Variants in TUT7 observed in about 807,000 individuals in gnomAD.
TUT7 encodes the protein terminal uridylyltransferase 7.
A neutral mutation model predicts 165.9 loss-of-function variants in TUT7; 33 were observed. The ratio of observed to expected loss-of-function variants is 0.20; its 90% CI spans 0.15 to 0.27. The LOEUF is 0.27. Ranked by LOEUF, TUT7 falls within the 10% of genes least tolerant of loss-of-function variation. TUT7 has a pLI of 1.00. For synonymous variants in TUT7, 552 were observed against 608.1 expected (o/e 0.91, Z 1.36); for missense variants, 1,338 against 1,762.3 (o/e 0.76, Z 4.31).
At position 86,343,100 on chromosome 9, in the gene TUT7, T is replaced by C; in HGVS notation, c.1061A>G (p.Asn354Ser). ...SRLGFKNSDV[N>S]IDIQFPAIMS... The stretch of plus-strand genomic sequence containing the variant: ...AATGGCTGGAAACTGGATGTCAATG[T>C]TTACATCCGAATTTTTGAAACCCAA... The change falls in exon 6 of 27, where the codon AAC (asparagine) becomes AGC (serine). Residue 354 changes from asparagine to serine, a missense_variant. Transcript: ENST00000375963. 1 of 1,604,676 alleles carries C rather than the reference T, an allele frequency of 6.2e-7. No individual in the cohort carries two copies.
chr9:86,323,733 T>G lies in TUT7; in HGVS notation c.2017A>C (p.Asn673His), dbSNP rs118052854. Residue 673 changes from asparagine (N) to histidine (H), a missense_variant, in exon 13 of 27, where the codon AAC becomes CAC. By Grantham distance (68) the Asn-to-His change is moderately conservative. Transcript: ENST00000375963. ...CCAGGACCTTGGGCCAAAACTGAGT[T>G]TTTGAGCTTATCATCTTTTGTTTGT... ...DVQTKDDKLK[N>H]SVLAQGPGAT... The G allele has an allele frequency of 1.2e-6, 2 of 1,613,608 alleles. No homozygotes were observed. Among genetic ancestry groups the G allele is most frequent in the Non-Finnish European group, 1.7e-6 (2 of 1,179,642 alleles).
intron 24 of TUT7, among the ~76,000 whole-genome samples, chr9:86,303,970 C>T (rs1827208667): frequency 2.6e-5 from 4 of 152,186 alleles, no homozygotes; most frequent in Admixed American, 2.6e-4. Context: ...AAAGTCTTCA[C>T]TGGGAGTACA....
intron 25 of TUT7, among the ~76,000 whole-genome samples, chr9:86,302,394 AGTTACT>A (rs2131308747): frequency 1.3e-5 from 2 of 152,344 alleles, no homozygotes; most frequent in African/African-American, 4.8e-5. Flanking sequence ...CGTGCTGAAC[AGTTACT>A]GTGCATTAGA....
intron 16 of TUT7, among the ~76,000 whole-genome samples, chr9:86,317,957 T>G (rs557224830): frequency 3.3e-5 from 5 of 152,336 alleles, no homozygotes; most frequent in Admixed American, 2.6e-4. Flanking sequence ...ACCTTGAGGA[T>G]GTATGATAGG....
In TUT7 at chr9:86,288,050, T is replaced by C. The variant is rs764805531; in HGVS notation, c.*627A>G. On this transcript the variant is annotated 3_prime_UTR_variant, in exon 27 of 27. Transcript: ENST00000375963. Reference sequence around the variant, plus strand: ...CCTTACTTCATTTTTATAAGCATAGTAGTTATATGTCAATTTACTTAAAAT... The same window carrying C: ...CCTTACTTCATTTTTATAAGCATAGCAGTTATATGTCAATTTACTTAAAAT... The C allele has an allele frequency of 6.6e-6, 1 of 152,224 alleles. No homozygotes were observed. Among genetic ancestry groups the C allele is most frequent in the Non-Finnish European group, 1.5e-5 (1 of 68,044 alleles). 9.4% of individuals were successfully genotyped at this position (152,224 alleles called of 1,614,324 possible).
At position 86,310,794 on chromosome 9, in the gene TUT7, A is replaced by G; in HGVS notation, c.3290T>C (p.Leu1097Ser). The stretch of plus-strand genomic sequence containing the variant: ...TGGCACCTTTGCTGTTGTAATAGGT[A>G]AGATGTTTCTCAGACCTAAGTTGGG... ...LRKHSGLRNI[L>S]PITTAKVPIV... Residue 1097 changes from leucine to serine, a missense_variant, in exon 18 of 27, where the codon TTA (leucine) becomes TCA (serine). By Grantham distance (145) the Leu-to-Ser change is moderately radical. This residue lies in a region of TUT7 where 157 missense variants were observed against 357.5 expected (regional missense o/e 0.44). Coordinates refer to ENST00000375963, the MANE Select transcript of TUT7 (RefSeq NM_024617.4). 1 of 1,607,572 alleles carries G rather than the reference A, an allele frequency of 6.2e-7. No homozygotes were observed.
At chr9:86,349,917 T>G (rs1832122308) in intron 2 of TUT7, among the ~76,000 whole-genome samples, 1 of 152,178 alleles carries the variant, frequency 6.6e-6, no homozygotes, top group Non-Finnish European at 1.5e-5. Context: ...TAAAAGCAAC[T>G]TCTTTAGTTG....
intron 25 of TUT7, 70 bp from the exon 26 acceptor site, chr9:86,301,671 A>G: frequency 6.5e-7 from 1 of 1,531,200 alleles, no homozygotes; most frequent in Non-Finnish European, 8.7e-7. Context: ...GCAATTCCCA[A>G]AATATTAAGG....
At chr9:86,290,789 A>G (rs1825845469) in intron 26 of TUT7, among the ~76,000 whole-genome samples, 1 of 151,868 alleles carries the variant, frequency 6.6e-6, no homozygotes, top group Non-Finnish European at 1.5e-5. Flanking sequence ...CGAACCCAGG[A>G]GTGGAGGTTG....
intron 13 of TUT7, among the ~76,000 whole-genome samples, 154 bp downstream of exon 13, chr9:86,322,719 G>A (rs1279346066): frequency 2.0e-5 from 3 of 152,102 alleles, no homozygotes; most frequent in Non-Finnish European, 4.4e-5. Flanking sequence ...GAGTCTTAAG[G>A]AGAAAAGCAG....
intron 2 of TUT7, among the ~76,000 whole-genome samples, chr9:86,348,622 T>C (rs541306765): frequency 6.6e-6 from 1 of 152,096 alleles, no homozygotes; most frequent in South Asian, 2.1e-4. Flanking sequence ...GCAAGATGAC[T>C]CACTCCTGTG....
intron 17 of TUT7, among the ~76,000 whole-genome samples, chr9:86,315,963 GTA>G (rs1394201239): frequency 6.6e-6 from 1 of 152,214 alleles, no homozygotes; most frequent in East Asian, 1.9e-4. Context: ...CACCCAAGGT[GTA>G]TATATGTGTG....
chr9:86,339,133 G>A (rs1392855152), intron 8 of TUT7, among the ~76,000 whole-genome samples, 184 bp from the exon 9 acceptor site: 1 of 152,070 alleles, frequency 6.6e-6, no homozygotes, highest in Admixed American at 6.6e-5. Context: ...TTACAAAAAA[G>A]ATATCGTGGC....
At chr9:86,294,471 AAAT>A (rs778192321) in intron 26 of TUT7, among the ~76,000 whole-genome samples, 3 of 152,086 alleles carry the variant, frequency 2.0e-5, no homozygotes, top group Non-Finnish European at 4.4e-5. Context: ...GAAGGAATCA[AAAT>A]AATTGAGTGG....
rs200600166 is a variant in TUT7, at chr9:86,328,326, A to G, written c.1608+14T>C. Reference sequence around the variant, plus strand: ...GCAAGTGAAACTGACAACTAGAAACAAAAGAGAACAGACCTGTCCCCTTTT... The same window carrying G: ...GCAAGTGAAACTGACAACTAGAAACGAAAGAGAACAGACCTGTCCCCTTTT... On this transcript the variant is annotated intron_variant, in intron 11 of 26. Coordinates refer to ENST00000375963, the MANE Select transcript of TUT7 (RefSeq NM_024617.4). 21 of 1,554,462 alleles carry G rather than the reference A, an allele frequency of 1.4e-5. No homozygotes were observed. Among genetic ancestry groups the G allele is most frequent in the Non-Finnish European group, 1.7e-5 (20 of 1,153,770 alleles).
At chr9:86,334,897 G>C (rs1312399982) in intron 10 of TUT7, among the ~76,000 whole-genome samples, 1 of 152,066 alleles carries the variant, frequency 6.6e-6, no homozygotes, top group Non-Finnish European at 1.5e-5. Flanking sequence ...AAAAACAGGA[G>C]ACTCACTCTG....
At position 86,323,179 on chromosome 9, in the gene TUT7, TTCCTCCTCCTCTTCTTCGTCG is replaced by T. The variant is rs756042255; in HGVS notation, c.2550_2570del (p.Asp850_Glu856del). 3 of 1,614,076 alleles carry T rather than the reference TTCCTCCTCCTCTTCTTCGTCG, an allele frequency of 1.9e-6. No homozygotes were observed. Among genetic ancestry groups the T allele is most frequent in the Admixed American group, 1.7e-5 (1 of 59,988 alleles). The stretch of plus-strand genomic sequence containing the variant: ...GGTTAATGGTGAGCCTAGGTTCTTC[TTCCTCCTCCTCTTCTTCGTCG>T]TCCTCCTCCTCTTCATCAGAGGGAA... On this transcript the variant is annotated inframe_deletion, in exon 13 of 27. Coordinates refer to ENST00000375963, the MANE Select transcript of TUT7 (RefSeq NM_024617.4).
At chr9:86,294,297 C>G (rs1300195848) in intron 26 of TUT7, among the ~76,000 whole-genome samples, 1 of 139,850 alleles carries the variant, frequency 7.2e-6, no homozygotes, top group Non-Finnish European at 1.5e-5. Flanking sequence ...AAAAAAAAAC[C>G]CAGAGAAGAG....
chr9:86,344,998 C>T lies in TUT7; in HGVS notation c.976G>A (p.Val326Met), dbSNP rs150701408. The T allele has an allele frequency of 6.2e-7, 1 of 1,612,304 alleles. No individual in the cohort carries two copies. ...RLEIKRIMEN[V>M]FQHKLPDCSL... is the part of the protein sequence containing the mutation. Reference sequence around the variant, plus strand: ...ATACCTGGTAACTTGTGTTGGAACACATTTTCCATGATACGTTTAATTTCC... The same window carrying T: ...ATACCTGGTAACTTGTGTTGGAACATATTTTCCATGATACGTTTAATTTCC... Residue 326 changes from valine to methionine, a missense_variant, in exon 5 of 27, where the codon GTG becomes ATG. By Grantham distance (21) the Val-to-Met change is conservative. This residue lies in a region of TUT7 where 434 missense variants were observed against 480.8 expected (regional missense o/e 0.90). Transcript: ENST00000375963.
Sources: gnomAD v4.1 joint callset for allele counts (sites outside exome capture counted in the v4.1 genomes callset) on GRCh38, gnomAD v4.1.1 for gene constraint, gnomAD v4.1.1 regional missense constraint, MANE v1.5 for transcripts, NCBI Gene and HGNC (gene_info 2026-07-23, HGNC 2026-07-21) for gene names.